The following ADGRL1 variants were observed in gnomAD, a reference collection of about 807,000 sequenced individuals.
ADGRL1 encodes CIRL-1.
In ADGRL1, 31 loss-of-function variants were observed where a neutral mutation model predicts 148.9. The observed-to-expected ratio is 0.21, with a 90% CI of 0.16 to 0.28. ADGRL1 has a LOEUF of 0.28. Among genes scored for constraint, ADGRL1 ranks in the 10% least tolerant of loss-of-function variants. The pLI, the probability that ADGRL1 is intolerant of heterozygous loss-of-function variation, is 1.00. For missense variants in ADGRL1, 1,521 were observed against 2,058.8 expected (o/e 0.74, Z 5.05); for synonymous variants, 937 against 900.3 (o/e 1.04, Z -0.73).
rs1178876615 is a variant in ADGRL1, at chr19:14,178,528, G to A, written c.71-784C>T. On this transcript the variant is annotated intron_variant, in intron 2 of 22. Coordinates refer to ENST00000361434, the MANE Select transcript of ADGRL1 (RefSeq NM_014921.5). Reference sequence around the variant, plus strand: ...TCAATAAAAAAAGAGGGGGTGGGGCGTTGTTGTTAAGATAGGATCTTCCTC... The same window carrying A: ...TCAATAAAAAAAGAGGGGGTGGGGCATTGTTGTTAAGATAGGATCTTCCTC... Among the ~76,000 whole-genome samples the A allele has an allele frequency of 3.9e-5, 6 of 151,918 alleles. No homozygotes were observed. In the East Asian group the frequency reaches 5.9e-4, roughly 15 times the overall value.
At position 14,183,572 on chromosome 19, in the gene ADGRL1, G is replaced by A; in HGVS notation, c.31C>T (p.Leu11=). The A allele has an allele frequency of 1.3e-6, 2 of 1,585,680 alleles. No individual in the cohort carries two copies. Among genetic ancestry groups the A allele is most frequent in the Non-Finnish European group, 1.7e-6 (2 of 1,165,596 alleles). The part of the protein sequence containing the change: MARLAAVLWN[L]CVTAVLVTSA... ...GTGACCAGGACGGCGGTGACACACAGATTCCAGAGCACTGCGGCTAGGCGG... is the reference window on the plus strand; with the variant it reads ...GTGACCAGGACGGCGGTGACACACAAATTCCAGAGCACTGCGGCTAGGCGG... Residue 11 remains leucine, a synonymous_variant, in exon 2 of 23, where the codon CTG becomes TTG. Coordinates refer to ENST00000361434, the MANE Select transcript of ADGRL1 (RefSeq NM_014921.5).
At chr19:14,194,043 A>G (rs1379765429) in intron 1 of ADGRL1, among the ~76,000 whole-genome samples, 4 of 152,122 alleles carry the variant, frequency 2.6e-5, no homozygotes, top group Non-Finnish European at 5.9e-5. Context: ...GGAGTTTGAG[A>G]CCAGCCTGGG....
intron 1 of ADGRL1, chr19:14,191,170 C>T (rs770353701): frequency 4.4e-6 from 2 of 456,610 alleles, no homozygotes; most frequent in South Asian, 3.1e-5. Flanking sequence ...CCCGCCTTGT[C>T]TCCCTCCAGC....
intron 1 of ADGRL1, among the ~76,000 whole-genome samples, chr19:14,185,902 C>T (rs905024987): frequency 5.9e-5 from 9 of 152,244 alleles, no homozygotes; most frequent in Non-Finnish European, 2.9e-5. Context: ...CCTGTTGCTT[C>T]CTCCACCTGT....
intron 1 of ADGRL1, among the ~76,000 whole-genome samples, chr19:14,184,030 T>C (rs376815115): frequency 1.3e-5 from 2 of 152,206 alleles, no homozygotes; most frequent in East Asian, 1.9e-4. Flanking sequence ...CCCTGCCCAC[T>C]CATCTCCCCT....
chr19:14,157,340 C>T lies in ADGRL1; in HGVS notation c.2656G>A (p.Asp886Asn), dbSNP rs774782669. The change falls in exon 14 of 23, where the codon GAC (aspartate) becomes AAC (asparagine). Residue 886 changes from aspartate to asparagine, a missense_variant. Transcript: ENST00000361434. This position sits in a 1 kb window ranked among gnomAD's most constrained non-coding sequence, Gnocchi z 7.5. ...TFCFLRGLQTDRNTIHKNLCI... is the reference protein window; with the variant it reads ...TFCFLRGLQTNRNTIHKNLCI... ...AGGTTCTTGTGGATGGTGTTGCGGTCGGTCTGCAGCCCCCGCAGGAAGCAG... is the reference window on the plus strand; with the variant it reads ...AGGTTCTTGTGGATGGTGTTGCGGTTGGTCTGCAGCCCCCGCAGGAAGCAG... The T allele has an allele frequency of 5.6e-6, 9 of 1,614,038 alleles. No individual in the cohort carries two copies. The highest frequency in any genetic ancestry group is 2.2e-5 in the East Asian group (1 of 44,886).
Position 14,160,809 on chromosome 19 carries a change from G to C in ADGRL1, c.1511-113C>G, listed in dbSNP as rs1465124834. 1.4e-6 allele frequency: 1 copy of C among 713,482 alleles called. No individual in the cohort carries two copies. Among genetic ancestry groups the C allele is most frequent in the Non-Finnish European group, 2.6e-6 (1 of 392,086 alleles). The allele number at this position is 713,482 out of a possible 1,614,324, so 44.2% of individuals were successfully genotyped here. ...GAGTGGGGGACGAGCGGGCGAAGAG[G>C]GAGGTGAGGGAAACACGGAGAAACA... On this transcript the variant is annotated intron_variant, in intron 6 of 22. Transcript: ENST00000361434. The surrounding 1 kb of genome is among the most constrained non-coding windows in gnomAD (Gnocchi z 5.9).
rs1298826895 is a variant in ADGRL1, at chr19:14,156,741, G to A, written c.2967-17C>T. On this transcript the variant is annotated splice_polypyrimidine_tract_variant and intron_variant, in intron 15 of 22. Coordinates refer to ENST00000361434, the MANE Select transcript of ADGRL1 (RefSeq NM_014921.5). ...AGCCAGCAGCTGTAAAGGAAACAGGGCCGGGGTATAGAGAGAAGCCGAGGA... is the reference window on the plus strand; with the variant it reads ...AGCCAGCAGCTGTAAAGGAAACAGGACCGGGGTATAGAGAGAAGCCGAGGA... 1 of 1,604,222 alleles carries A rather than the reference G, an allele frequency of 6.2e-7. No homozygotes were observed. Among genetic ancestry groups the A allele is most frequent in the Non-Finnish European group, 8.5e-7 (1 of 1,175,376 alleles).
chr19:14,157,982 G>A lies in ADGRL1; in HGVS notation c.2435C>T (p.Ser812Leu), dbSNP rs1968943744. ...YSERSMLGYW[S>L]TQGCRLVESN... is the part of the protein sequence containing the mutation. ...CTCCACCAGGCGGCAGCCTTGGGTCGACCAGTAGCCCAGCATGGAACGCTC... is the reference window on the plus strand; with the variant it reads ...CTCCACCAGGCGGCAGCCTTGGGTCAACCAGTAGCCCAGCATGGAACGCTC... The change falls in exon 13 of 23, where the codon TCG (serine) becomes TTG (leucine). Residue 812 changes from serine to leucine, a missense_variant. This residue lies in a region of ADGRL1 where 265 missense variants were observed against 431.9 expected (regional missense o/e 0.61). Transcript: ENST00000361434. This position sits in a 1 kb window ranked among gnomAD's most constrained non-coding sequence, Gnocchi z 7.5. 1.2e-6 allele frequency: 2 copies of A among 1,614,196 alleles called. No homozygotes were observed. Among genetic ancestry groups the A allele is most frequent in the East Asian group, 2.2e-5 (1 of 44,886 alleles).
Position 14,149,920 on chromosome 19 carries a change from TTCTTTTTTTTTTTTTTTG to T in ADGRL1, c.*935_*952del, listed in dbSNP as rs892792750. On this transcript the variant is annotated 3_prime_UTR_variant, in exon 23 of 23. Transcript: ENST00000361434. Reference sequence around the variant, plus strand: ...TTCAAGTGATGAGATTTTTTTTCTTTTCTTTTTTTTTTTTTTTGTCTTTTTTTTTTCTTTTCCATTTCG... The same window carrying T: ...TTCAAGTGATGAGATTTTTTTTCTTTTCTTTTTTTTTTCTTTTCCATTTCG... The T allele has an allele frequency of 5.5e-5, 8 of 145,656 alleles. No homozygotes were observed. The highest frequency in any genetic ancestry group is 2.1e-4 in the South Asian group (1 of 4,684). The allele number at this position is 145,656 out of a possible 1,614,324, so 9.0% of individuals were successfully genotyped here. A position where few individuals can be genotyped will look rare whatever the true frequency, so the allele number is the denominator to read the frequency against.
intron 4 of ADGRL1, chr19:14,166,899 C>A: frequency 9.1e-7 from 1 of 1,097,220 alleles, no homozygotes; most frequent in Non-Finnish European, 1.4e-6. Flanking sequence ...GGATACCGAC[C>A]GGACCAAGTG....
intron 1 of ADGRL1, among the ~76,000 whole-genome samples, chr19:14,184,839 C>G (rs978157200): frequency 1.3e-5 from 2 of 151,888 alleles, no homozygotes; most frequent in African/African-American, 4.8e-5. Context: ...TGGGGTTTCA[C>G]CGTGTTAGCC....
At chr19:14,156,326 T>TGGTG (rs1968740426) in intron 16 of ADGRL1, 125 bp from the exon 17 acceptor site, 2 of 760,678 alleles carry the variant, frequency 2.6e-6, no homozygotes, top group Non-Finnish European at 4.5e-6. Flanking sequence ...GAGAACCCCG[T>TGGTG]ACCTGCCCCT....
chr19:14,148,284 A>G lies in ADGRL1; in HGVS notation c.*2589T>C, dbSNP rs1967796445. On this transcript the variant is annotated 3_prime_UTR_variant, in exon 23 of 23. Transcript: ENST00000361434. ...CAGCCCCAGCAGGGGGCCCTGCCACACAGCTCTGAGGCCTGGAAGCCACCC... is the reference window on the plus strand; with the variant it reads ...CAGCCCCAGCAGGGGGCCCTGCCACGCAGCTCTGAGGCCTGGAAGCCACCC... 6.5e-6 allele frequency: 1 copy of G among 152,724 alleles called. No individual in the cohort carries two copies. The allele number at this position is 152,724 out of a possible 1,614,324, so 9.5% of individuals were successfully genotyped here. A position where few individuals can be genotyped will look rare whatever the true frequency, so the allele number is the denominator to read the frequency against.
At position 14,152,075 on chromosome 19, in the gene ADGRL1, G is replaced by A. The variant is rs996099527; in HGVS notation, c.3667+58C>T. On this transcript the variant is annotated intron_variant, in intron 22 of 22. Coordinates refer to ENST00000361434, the MANE Select transcript of ADGRL1 (RefSeq NM_014921.5). The surrounding 1 kb of genome is among the most constrained non-coding windows in gnomAD (Gnocchi z 6.1). ...TCCTTAAGTGAGGCCGTCTGAGAAGGCCACTGTCTGTCCCTCTCCCAGCCT... is the reference window on the plus strand; with the variant it reads ...TCCTTAAGTGAGGCCGTCTGAGAAGACCACTGTCTGTCCCTCTCCCAGCCT... 8 of 1,523,896 alleles carry A rather than the reference G, an allele frequency of 5.2e-6. No individual in the cohort carries two copies. The highest frequency in any genetic ancestry group is 6.4e-6 in the Non-Finnish European group (7 of 1,097,962). 94.4% of individuals were successfully genotyped at this position (1,523,896 alleles called of 1,614,324 possible).
chr19:14,151,648 G>A (rs1319270604), intron 22 of ADGRL1, 33 bp from the exon 23 acceptor site: 2 of 1,553,434 alleles, frequency 1.3e-6, no homozygotes, highest in Non-Finnish European at 1.7e-6. Flanking sequence ...TCAGGTTGAA[G>A]AGGGGCCCTG....
At position 14,152,955 on chromosome 19, in the gene ADGRL1, C is replaced by A. The variant is rs1968365399; in HGVS notation, c.3295-43G>T. On this transcript the variant is annotated intron_variant, in intron 18 of 22. Coordinates refer to ENST00000361434, the MANE Select transcript of ADGRL1 (RefSeq NM_014921.5). This position sits in a 1 kb window ranked among gnomAD's most constrained non-coding sequence, Gnocchi z 6.1. ...GTCAGCTGGCTGGGACACTGGCCTC[C>A]TCTGTGATCCAGTCTCCCACAGGGC... 1 of 1,605,502 alleles carries A rather than the reference C, an allele frequency of 6.2e-7. No homozygotes were observed. The highest frequency in any genetic ancestry group is 1.1e-5 in the South Asian group (1 of 90,106).
At chr19:14,189,804 G>C (rs1346396399) in intron 1 of ADGRL1, among the ~76,000 whole-genome samples, 1 of 152,190 alleles carries the variant, frequency 6.6e-6, no homozygotes, top group African/African-American at 2.4e-5. Flanking sequence ...ATTATGTGTT[G>C]TGAAGTGATT....
intron 1 of ADGRL1, among the ~76,000 whole-genome samples, chr19:14,187,986 T>C (rs1386656466): frequency 1.3e-5 from 2 of 151,936 alleles, no homozygotes; most frequent in East Asian, 3.9e-4. Context: ...TCCCAGTGCT[T>C]TGGGAGGCTA....
Sources: allele counts gnomAD v4.1 joint callset (sites outside exome capture counted in the v4.1 genomes callset), GRCh38; gene constraint gnomAD v4.1.1; regional missense constraint gnomAD v4.1.1; non-coding constraint Gnocchi (gnomAD v3.1); transcripts MANE v1.5; gene names NCBI Gene and HGNC (gene_info 2026-07-23, HGNC 2026-07-21).